The following MTMR1 variants were observed in gnomAD, a reference collection of about 807,000 sequenced individuals.
MTMR1 encodes the protein myotubularin related protein 1, also known as phosphatidylinositol-3-phosphate phosphatase MTMR1.
A neutral mutation model predicts 51.6 loss-of-function variants in MTMR1; 17 were observed. The observed-to-expected ratio is 0.33, with a 90% CI of 0.23 to 0.49. The LOEUF (loss-of-function observed/expected upper bound fraction) is 0.49. Ranked by LOEUF, MTMR1 falls within the 20% of genes least tolerant of loss-of-function variation. The pLI, the probability that MTMR1 is intolerant of heterozygous loss-of-function variation, is 0.99. For synonymous variants in MTMR1, 201 were observed against 205.6 expected, an observed-to-expected ratio of 0.98 and a Z score of 0.19; for missense variants, 386 against 526.9, an observed-to-expected ratio of 0.73 and a Z score of 2.62.
At chrX:150,698,680 G>GCACACACACA (rs1214335904) in intron 1 of MTMR1, among the ~76,000 whole-genome samples, 670 of 62,935 alleles carry the variant, frequency 0.011, 8 homozygotes, top group East Asian at 0.017. Flanking sequence ...ACACGCGCGC[G>GCACACACACA]CACACACACA....
At chrX:150,729,502 A>G (rs2148623082) in intron 6 of MTMR1, among the ~76,000 whole-genome samples, 1 of 112,124 alleles carries the variant, frequency 8.9e-6, no homozygotes, top group African/African-American at 3.2e-5. Context: ...CAGCCTTCTC[A>G]GATCATGCCT....
At chrX:150,730,704 C>G in intron 8 of MTMR1, 96 bp downstream of exon 8, 1 of 482,405 alleles carries the variant, frequency 2.1e-6, no homozygotes, top group Admixed American at 3.9e-5. Context: ...GAAACTTTTT[C>G]GAACAAGTTA....
At chrX:150,715,473 A>G (rs1054152265) in intron 3 of MTMR1, among the ~76,000 whole-genome samples, 1 of 112,559 alleles carries the variant, frequency 8.9e-6, no homozygotes, top group Admixed American at 9.4e-5. Flanking sequence ...TTTAGTTCAT[A>G]AGAATATTCC....
intron 1 of MTMR1, among the ~76,000 whole-genome samples, chrX:150,695,919 T>C (rs2040654962): frequency 1.8e-5 from 2 of 111,536 alleles, no homozygotes; most frequent in South Asian, 7.5e-4. Context: ...ATGGTGAGCA[T>C]TCAGATGTGA....
chrX:150,708,405 TAAA>T (rs1327166976), intron 2 of MTMR1, among the ~76,000 whole-genome samples: 3 of 111,549 alleles, frequency 2.7e-5, no homozygotes, highest in African/African-American at 9.8e-5. Context: ...ATAGTTATAC[TAAA>T]AAAGATGTTA....
At chrX:150,729,241 C>CACACACAT (rs1404615013) in intron 6 of MTMR1, among the ~76,000 whole-genome samples, 2 of 110,362 alleles carry the variant, frequency 1.8e-5, no homozygotes, top group Non-Finnish European at 3.8e-5. Context: ...CACACACACA[C>CACACACAT]ACACATCCCA....
intron 2 of MTMR1, 73 bp from the exon 3 acceptor site, chrX:150,712,269 G>GAACTT: frequency 1.0e-6 from 1 of 971,466 alleles, no homozygotes; most frequent in Non-Finnish European, 1.4e-6. Flanking sequence ...ATAGGCTGTT[G>GAACTT]AACTTAATGG....
rs201877127 is a variant in MTMR1 at position 150,718,687 on chromosome X, A to G, written c.339A>G (p.Ser113=). ...MEEAPLFPGE[S]IKAIVKDVMY... is the part of the protein sequence containing the mutation. ...AGGCTCCACTTTTCCCAGGAGAATC[A>G]ATTAAAGCCATTGGTAAGTTTAGTG... is the stretch of plus-strand genomic sequence containing the variant. The change falls in exon 4 of 16, where the codon TCA becomes TCG. Residue 113 remains serine (S), a synonymous_variant. Coordinates refer to ENST00000445323, the MANE Select transcript of MTMR1 (RefSeq NM_001306144.3). 2 of 1,197,546 alleles carry G rather than the reference A, an allele frequency of 1.7e-6. No individual in the cohort carries two copies. Among genetic ancestry groups the G allele is most frequent in the Non-Finnish European group, 2.2e-6 (2 of 890,729 alleles).
rs1442303034 is a variant in MTMR1 at position 150,693,809 on chromosome X, C to T, written c.146+133C>T. 8.3e-6 allele frequency: 3 copies of T among 363,449 alleles called. No individual in the cohort carries two copies. The African/African-American group carries it at 8.4e-5, about 10-fold the overall frequency. 30.0% of individuals were successfully genotyped at this position (363,449 alleles called of 1,213,427 possible). On this transcript the variant is annotated intron_variant, in intron 1 of 15. Coordinates refer to ENST00000445323, the MANE Select transcript of MTMR1 (RefSeq NM_001306144.3). Reference sequence around the variant, plus strand: ...GGGGTGGGCGGCCCCTCTTCATCCCCTCTGGGCCCTCCTCCCCCCCACCCC... The same window carrying T: ...GGGGTGGGCGGCCCCTCTTCATCCCTTCTGGGCCCTCCTCCCCCCCACCCC...
At chrX:150,760,415 G>T (rs913992747) in intron 15 of MTMR1, among the ~76,000 whole-genome samples, 6 of 111,439 alleles carry the variant, frequency 5.4e-5, no homozygotes, top group African/African-American at 2.0e-4. Flanking sequence ...CCGAGAAAGG[G>T]GTTCTTTGGG....
chrX:150,706,116 T>C (rs1055849578), intron 2 of MTMR1, among the ~76,000 whole-genome samples: 2 of 111,296 alleles, frequency 1.8e-5, no homozygotes, highest in African/African-American at 6.5e-5. Context: ...CATCATGACA[T>C]GGCAGGAGAC....
chrX:150,734,124 G>A (rs1260058891), intron 10 of MTMR1, among the ~76,000 whole-genome samples: 2 of 112,236 alleles, frequency 1.8e-5, no homozygotes, highest in Non-Finnish European at 3.8e-5. Context: ...TGGGCTTGCA[G>A]CCACATCACT....
intron 15 of MTMR1, among the ~76,000 whole-genome samples, chrX:150,760,547 G>T (rs1557417978): frequency 2.7e-5 from 3 of 111,888 alleles, no homozygotes; most frequent in Admixed American, 9.4e-5. Context: ...CCCTTAGATG[G>T]GAATTTTCTC....
intron 2 of MTMR1, among the ~76,000 whole-genome samples, chrX:150,709,417 C>T (rs1368899879): frequency 1.8e-5 from 2 of 112,396 alleles, no homozygotes; most frequent in Non-Finnish European, 3.8e-5. Context: ...AGATTATCAT[C>T]TCACCCCTTT....
chrX:150,751,078 T>A (rs371657437), intron 14 of MTMR1: 1 of 1,128,137 alleles, frequency 8.9e-7, no homozygotes, highest in Non-Finnish European at 1.2e-6. Context: ...CAGGAGTAGA[T>A]GAGTGCTAGA....
At chrX:150,727,065 C>G in intron 4 of MTMR1, 150 bp from the exon 5 acceptor site, 1 of 361,791 alleles carries the variant, frequency 2.8e-6, no homozygotes, top group Non-Finnish European at 4.8e-6. Flanking sequence ...ATGCATCTCT[C>G]TATATTGAAA....
At chrX:150,755,594 AT>A in intron 14 of MTMR1, 94 bp from the exon 15 acceptor site, 1 of 685,789 alleles carries the variant, frequency 1.5e-6, no homozygotes. Context: ...CAGCGTTTGA[AT>A]TCACTTCATT....
intron 9 of MTMR1, 21 bp downstream of exon 9, chrX:150,731,640 T>C (rs1557417004): frequency 2.6e-6 from 3 of 1,171,216 alleles, no homozygotes; most frequent in Non-Finnish European, 3.4e-6. Context: ...AACATTGTCA[T>C]TTATATAGGA....
chrX:150,730,465 A>G, intron 7 of MTMR1, 60 bp from the exon 8 acceptor site: 1 of 776,570 alleles, frequency 1.3e-6, no homozygotes, highest in Non-Finnish European at 1.9e-6. Flanking sequence ...AAGCTTTAAT[A>G]TTGGGTATAT....
Sources: allele counts gnomAD v4.1 joint callset (sites outside exome capture counted in the v4.1 genomes callset), GRCh38; gene constraint gnomAD v4.1.1; transcripts MANE v1.5; gene names NCBI Gene and HGNC (gene_info 2026-07-23, HGNC 2026-07-21).